The following BRWD3 variants were observed in gnomAD, a reference collection of about 807,000 sequenced individuals.
BRWD3 encodes bromodomain and WD repeat domain containing 3.
A neutral mutation model predicts 149.7 loss-of-function variants in BRWD3; 10 were observed. The ratio of observed to expected loss-of-function variants is 0.07; its 90% CI spans 0.04 to 0.11. The LOEUF is 0.11. BRWD3 is among the 10% of genes least tolerant of loss of function. The pLI is 1.00. For missense variants in BRWD3, 940 were observed against 1,373.2 expected, an observed-to-expected ratio of 0.68 and a Z score of 4.99; for synonymous variants, 504 against 456.7, an observed-to-expected ratio of 1.10 and a Z score of -1.32.
chrX:80,713,889 T>A (rs2073035000), intron 20 of BRWD3, among the ~76,000 whole-genome samples: 1 of 111,487 alleles, frequency 9.0e-6, no homozygotes, highest in Admixed American at 9.5e-5. Context: ...AACCATAGAG[T>A]CCCATCAGAG....
At chrX:80,707,364 AG>A in intron 22 of BRWD3, 62 bp downstream of exon 22, 2 of 1,007,658 alleles carry the variant, frequency 2.0e-6, no homozygotes, top group Non-Finnish European at 2.8e-6. Flanking sequence ...ATTTCCTACG[AG>A]AACATAATTT....
intron 33 of BRWD3, among the ~76,000 whole-genome samples, chrX:80,689,193 T>TCC (rs2072577580): frequency 9.0e-6 from 1 of 111,397 alleles, no homozygotes. Flanking sequence ...TTTTTGTTTC[T>TCC]ATCATAACCT....
chrX:80,709,597 T>G lies in BRWD3; in HGVS notation c.2326-20A>C, dbSNP rs1488351873. 8.4e-7 allele frequency: 1 copy of G among 1,194,738 alleles called. No individual in the cohort carries two copies. Among genetic ancestry groups the G allele is most frequent in the Non-Finnish European group, 1.1e-6 (1 of 886,129 alleles). On this transcript the variant is annotated intron_variant, in intron 20 of 40. Transcript: ENST00000373275. Reference sequence around the variant, plus strand: ...ATCATTCTGTAAAAGAGAAGAATAATAAATTTTAAAAAAGGAAAAGCTCAG... The same window carrying G: ...ATCATTCTGTAAAAGAGAAGAATAAGAAATTTTAAAAAAGGAAAAGCTCAG...
chrX:80,784,549 C>G (rs1397705861), intron 6 of BRWD3, among the ~76,000 whole-genome samples: 2 of 110,957 alleles, frequency 1.8e-5, no homozygotes, highest in Non-Finnish European at 3.8e-5. Flanking sequence ...CCCTCACCCC[C>G]ACAAGAGGCC....
At chrX:80,745,875 C>G (rs2073585739) in intron 6 of BRWD3, 146 bp from the exon 7 acceptor site, 3 of 533,629 alleles carry the variant, frequency 5.6e-6, no homozygotes, top group Non-Finnish European at 9.4e-6. Flanking sequence ...TTACATAGTT[C>G]ATGATTTTAT....
In BRWD3 at chrX:80,730,447, A is replaced by AAGAC. The variant is rs779397700; in HGVS notation, c.1128-431_1128-428dup. 1.4e-3 allele frequency among the ~76,000 whole-genome samples: 149 copies of AAGAC among 108,590 alleles called. 1 individual carries two copies. The highest frequency in any genetic ancestry group is 1.8e-3 in the Non-Finnish European group (93 of 51,992). The allele number at this position is 108,590 out of a possible 115,157, so 94.3% of individuals were successfully genotyped here. On this transcript the variant is annotated intron_variant, in intron 12 of 40. Coordinates refer to ENST00000373275, the MANE Select transcript of BRWD3 (RefSeq NM_153252.5). Reference sequence around the variant, plus strand: ...AAAGAAAGAAAGAAAGAAAGAAAGAAAGACACAGTTAACACAGATGAATCT... The same window carrying AAGAC: ...AAAGAAAGAAAGAAAGAAAGAAAGAAAGACAGACACAGTTAACACAGATGAATCT...
intron 6 of BRWD3, among the ~76,000 whole-genome samples, chrX:80,771,771 G>C (rs772082084): frequency 2.1e-4 from 23 of 111,693 alleles, no homozygotes; most frequent in Non-Finnish European, 3.8e-4. Context: ...AAATTTACAA[G>C]AGAAAAACAA....
At chrX:80,727,216 C>T (rs1485146136) in intron 14 of BRWD3, among the ~76,000 whole-genome samples, 7 of 111,267 alleles carry the variant, frequency 6.3e-5, no homozygotes, top group Admixed American at 5.8e-4. Context: ...TATCAGACTC[C>T]TATAATCTAT....
In BRWD3 at chrX:80,691,037, T is replaced by TG; in HGVS notation, c.3602+15_3602+16insC. The TG allele has an allele frequency of 8.3e-7, 1 of 1,204,141 alleles. No individual in the cohort carries two copies. Among genetic ancestry groups the TG allele is most frequent in the Middle Eastern group, 2.3e-4 (1 of 4,317 alleles). ...AAGCTATAAATTTTATAATAAGTGA[T>TG]TAAAAAAAAACAGACCTGTAAAAGC... On this transcript the variant is annotated intron_variant, in intron 31 of 40. Transcript: ENST00000373275.
At position 80,781,289 on chromosome X, in the gene BRWD3, C is replaced by T. The variant is rs190361021; in HGVS notation, c.430+10565G>A. Among the ~76,000 whole-genome samples the T allele has an allele frequency of 2.6e-3, 291 of 111,456 alleles. 1 individual carries two copies. Among genetic ancestry groups the T allele is most frequent in the African/African-American group, 9.2e-3 (282 of 30,637 alleles). On this transcript the variant is annotated intron_variant, in intron 6 of 40. Coordinates refer to ENST00000373275, the MANE Select transcript of BRWD3 (RefSeq NM_153252.5). ...GTATATCCCGATCATTGTCCCTCCC[C>T]GTGTGCTCTCAGGCGATAGATGAGT...
At chrX:80,683,158 G>A (rs1299468130) in intron 37 of BRWD3, among the ~76,000 whole-genome samples, 1 of 111,284 alleles carries the variant, frequency 9.0e-6, no homozygotes, top group Non-Finnish European at 1.9e-5. Flanking sequence ...TTTTCAAAGA[G>A]TCATGAGATA....
chrX:80,762,665 G>T (rs1383196834), intron 6 of BRWD3, among the ~76,000 whole-genome samples: 1 of 111,387 alleles, frequency 9.0e-6, no homozygotes, highest in East Asian at 2.8e-4. Context: ...CACTGGCAGA[G>T]TCGCCTCTGG....
chrX:80,710,482 C>T (rs2072947130), intron 20 of BRWD3: 2 of 373,780 alleles, frequency 5.4e-6, no homozygotes, highest in African/African-American at 5.1e-5. Flanking sequence ...ACTGGTTAAA[C>T]ATGGTCTGCA....
chrX:80,739,717 TC>T (rs2073456710), intron 8 of BRWD3, among the ~76,000 whole-genome samples: 1 of 111,878 alleles, frequency 8.9e-6, no homozygotes, highest in Admixed American at 9.5e-5. Context: ...CTAAGTTTTT[TC>T]CTATGCCTAC....
chrX:80,743,531 T>G (rs1196786645), intron 8 of BRWD3, among the ~76,000 whole-genome samples: 3 of 111,471 alleles, frequency 2.7e-5, no homozygotes, highest in African/African-American at 9.8e-5. Flanking sequence ...GGTCCTGGAC[T>G]TTTTTTGGTT....
intron 6 of BRWD3, among the ~76,000 whole-genome samples, chrX:80,759,166 G>C (rs979652810): frequency 2.7e-5 from 3 of 111,915 alleles, no homozygotes; most frequent in Non-Finnish European, 5.6e-5. Context: ...TTCTTAAAAT[G>C]CTGCCTTATA....
At chrX:80,733,890 TTTAA>T (rs746947615) in intron 11 of BRWD3, among the ~76,000 whole-genome samples, 15 of 111,771 alleles carry the variant, frequency 1.3e-4, no homozygotes, top group African/African-American at 4.2e-4. Flanking sequence ...ACATCATTTA[TTTAA>T]TTATTTTCCA....
chrX:80,689,298 A>G (rs1032748320), intron 33 of BRWD3, among the ~76,000 whole-genome samples: 1 of 111,831 alleles, frequency 8.9e-6, no homozygotes, highest in Non-Finnish European at 1.9e-5. Context: ...CATTTCATTC[A>G]GAAGAGACTG....
chrX:80,804,608 T>G (rs951973987), intron 4 of BRWD3, among the ~76,000 whole-genome samples: 1 of 111,640 alleles, frequency 9.0e-6, no homozygotes, highest in Non-Finnish European at 1.9e-5. Context: ...TTTAAAAAGT[T>G]TCCAAATCAC....
Sources: allele counts gnomAD v4.1 joint callset (sites outside exome capture counted in the v4.1 genomes callset), GRCh38; gene constraint gnomAD v4.1.1; transcripts MANE v1.5; gene names NCBI Gene and HGNC (gene_info 2026-07-23, HGNC 2026-07-21).